The following HCRTR2 variants were observed in gnomAD, a reference collection of about 807,000 sequenced individuals.
HCRTR2 encodes hypocretin receptor 2, also known as orexin receptor type 2.
HCRTR2 carries 22 observed loss-of-function variants against 49.0 expected under a neutral mutation model. The ratio of observed to expected loss-of-function variants is 0.45; its 90% CI spans 0.32 to 0.64. The LOEUF (loss-of-function observed/expected upper bound fraction) is 0.64, where lower values mean the gene tolerates loss of function less well. Among genes scored for constraint, HCRTR2 ranks in the 30% least tolerant of loss-of-function variants. The pLI is 0.04. For missense variants in HCRTR2, 491 were observed against 559.4 expected (o/e 0.88, Z 1.23); for synonymous variants, 236 against 205.3 (o/e 1.15, Z -1.28).
At chr6:55,166,111 A>G (rs987350491) in intron 1 of HCRTR2, among the ~76,000 whole-genome samples, 1 of 151,988 alleles carries the variant, frequency 6.6e-6, no homozygotes, top group African/African-American at 2.4e-5. Flanking sequence ...TATTTTGCTG[A>G]TATGATGTAC....
intron 1 of HCRTR2, among the ~76,000 whole-genome samples, chr6:55,114,001 G>A (rs933453013): frequency 6.6e-5 from 10 of 151,870 alleles, no homozygotes; most frequent in African/African-American, 2.4e-4. Context: ...AACCTGGATG[G>A]AATCGGAGAC....
At chr6:55,237,537 T>C (rs1766236668) in intron 1 of HCRTR2, among the ~76,000 whole-genome samples, 1 of 152,220 alleles carries the variant, frequency 6.6e-6, no homozygotes, top group South Asian at 2.1e-4. Context: ...GCATCTCATA[T>C]TATCAGCTTT....
At chr6:55,255,693 T>C (rs568265827) in intron 3 of HCRTR2, among the ~76,000 whole-genome samples, 7 of 152,314 alleles carry the variant, frequency 4.6e-5, no homozygotes, top group African/African-American at 1.7e-4. Flanking sequence ...AAAAGCAATA[T>C]GGAATACAAA....
chr6:55,173,307 T>G (rs954433950), upstream of HCRTR2, among the ~76,000 whole-genome samples: 2 of 152,168 alleles, frequency 1.3e-5, no homozygotes, highest in Non-Finnish European at 2.9e-5. Context: ...AGTAGTGAAT[T>G]GTGGTGGTCA....
chr6:55,247,318 T>A (rs1171059553), intron 1 of HCRTR2, among the ~76,000 whole-genome samples: 1 of 152,132 alleles, frequency 6.6e-6, no homozygotes, highest in Non-Finnish European at 1.5e-5. Flanking sequence ...TCCTCTGAAA[T>A]CCAGGTATCT....
chr6:55,213,544 G>A (rs1415764663), intron 1 of HCRTR2, among the ~76,000 whole-genome samples: 1 of 152,056 alleles, frequency 6.6e-6, no homozygotes, highest in Non-Finnish European at 1.5e-5. Context: ...CAGTTAAGAG[G>A]CTCCTGTATC....
At chr6:55,164,398 G>C (rs1045687080) in intron 1 of HCRTR2, among the ~76,000 whole-genome samples, 3 of 152,152 alleles carry the variant, frequency 2.0e-5, no homozygotes, top group Non-Finnish European at 2.9e-5. Flanking sequence ...TGATAGACTA[G>C]ATTAAGAAAA....
At chr6:55,182,032 T>C (rs936460106) in intron 1 of HCRTR2, among the ~76,000 whole-genome samples, 1 of 152,244 alleles carries the variant, frequency 6.6e-6, no homozygotes, top group African/African-American at 2.4e-5. Context: ...GGCTATGCCA[T>C]AGTAGCAAAC....
intron 1 of HCRTR2, among the ~76,000 whole-genome samples, chr6:55,147,042 A>G (rs1362731648): frequency 6.6e-6 from 1 of 152,186 alleles, no homozygotes; most frequent in Non-Finnish European, 1.5e-5. Flanking sequence ...AAATGTTTCT[A>G]AGAGACAGCA....
chr6:55,154,853 G>A (rs1764710226), intron 1 of HCRTR2, among the ~76,000 whole-genome samples: 1 of 151,524 alleles, frequency 6.6e-6, no homozygotes, highest in South Asian at 2.1e-4. Context: ...AAACAAAATA[G>A]CTAGAGCAAA....
At chr6:55,263,962 AAC>A in intron 4 of HCRTR2, 140 bp downstream of exon 4, 1 of 682,462 alleles carries the variant, frequency 1.5e-6, no homozygotes, top group Non-Finnish European at 2.7e-6. Context: ...GAACCAATAT[AAC>A]ATGTTCATAA....
In HCRTR2 at chr6:55,204,938, A is replaced by G. The variant is rs144400790; in HGVS notation, c.223+30128A>G. ...GCAGCTGGGACTACAGGATTGCACT[A>G]ATGTGCCCAGCTGATTTTTTTTAGT... On this transcript the variant is annotated intron_variant, in intron 1 of 6. Transcript: ENST00000370862. Among the ~76,000 whole-genome samples, 167 of 152,076 alleles carry G rather than the reference A, an allele frequency of 1.1e-3. 3 individuals carry two copies. Among genetic ancestry groups the G allele is most frequent in the African/African-American group, 3.9e-3 (162 of 41,498 alleles).
Position 55,144,226 on chromosome 6 carries a change from C to T in HCRTR2, c.-377-29985C>T, listed in dbSNP as rs140229402. 9.3e-5 allele frequency among the ~76,000 whole-genome samples: 14 copies of T among 151,014 alleles called. No individual in the cohort carries two copies. In the East Asian group the frequency reaches 2.4e-3, roughly 25 times the overall value. On this transcript the variant is annotated intron_variant, in intron 1 of 7. Coordinates refer to the HCRTR2 transcript ENST00000615358. Reference sequence around the variant, plus strand: ...CTCCCGGGTTCAAGCAATTCTCTTGCCTCAGCCTTCCGAGTAGCTGGGATT... The same window carrying T: ...CTCCCGGGTTCAAGCAATTCTCTTGTCTCAGCCTTCCGAGTAGCTGGGATT...
chr6:55,280,508 C>T (rs1017928949), intron 6 of HCRTR2, 64 bp downstream of exon 6: 2 of 1,601,190 alleles, frequency 1.2e-6, no homozygotes, highest in Non-Finnish European at 8.5e-7. Context: ...TCAATGAACA[C>T]TCTTCAACTA....
chr6:55,145,435 G>A (rs754969054), intron 1 of HCRTR2, among the ~76,000 whole-genome samples: 30 of 145,968 alleles, frequency 2.1e-4, no homozygotes, highest in Non-Finnish European at 3.9e-4. Context: ...TTTTGAGACG[G>A]ATTCTTGCTC....
At chr6:55,179,919 A>C (rs1032010772) in intron 1 of HCRTR2, among the ~76,000 whole-genome samples, 14 of 152,196 alleles carry the variant, frequency 9.2e-5, no homozygotes, top group Non-Finnish European at 1.8e-4. Flanking sequence ...CTAGTGAAAG[A>C]AGATCCTTCC....
At chr6:55,265,027 T>C (rs1462686586) in intron 4 of HCRTR2, among the ~76,000 whole-genome samples, 6 of 152,162 alleles carry the variant, frequency 3.9e-5, no homozygotes, top group African/African-American at 1.4e-4. Flanking sequence ...TTTTTAACAC[T>C]ATATGGCTCA....
At chr6:55,249,320 T>C (rs1469362659) in intron 2 of HCRTR2, among the ~76,000 whole-genome samples, 2 of 152,148 alleles carry the variant, frequency 1.3e-5, no homozygotes. Context: ...TACTGAAGAA[T>C]TAAGACCTAC....
At position 55,215,353 on chromosome 6, in the gene HCRTR2, GA is replaced by G. The variant is rs1433223862; in HGVS notation, c.224-33284del. Reference sequence around the variant, plus strand: ...GAAGAATTTTCTTCAAAATGAAGGAGAATAAAGGATATTCCAGATAAACAAA... The same window carrying G: ...GAAGAATTTTCTTCAAAATGAAGGAGATAAAGGATATTCCAGATAAACAAA... On this transcript the variant is annotated intron_variant, in intron 1 of 6. Coordinates refer to ENST00000370862, the MANE Select transcript of HCRTR2 (RefSeq NM_001384272.1). 5.3e-5 allele frequency among the ~76,000 whole-genome samples: 8 copies of G among 152,206 alleles called. No individual in the cohort carries two copies. The South Asian group carries it at 1.5e-3, about 28-fold the overall frequency.
Sources: gnomAD v4.1 joint callset for allele counts (sites outside exome capture counted in the v4.1 genomes callset) on GRCh38, gnomAD v4.1.1 for gene constraint, MANE v1.5 for transcripts, NCBI Gene and HGNC (gene_info 2026-07-23, HGNC 2026-07-21) for gene names.